ANHX: variants seen among roughly 807,000 people sequenced by gnomAD.
The protein encoded by ANHX is anomalous homeobox protein.
In ANHX, 20 loss-of-function variants were observed where a neutral mutation model predicts 38.9. The observed-to-expected ratio is 0.51, with a 90% CI of 0.36 to 0.75. The LOEUF is 0.75. Among genes scored for constraint, ANHX ranks in the 30% least tolerant of loss-of-function variants. The pLI is 0.00. For synonymous variants in ANHX, 185 were observed against 203.1 expected (o/e 0.91, Z 0.76); for missense variants, 475 against 493.1 (o/e 0.96, Z 0.35).
chr12:133,226,071 C>T (rs1957184777), intron 6 of ANHX, among the ~76,000 whole-genome samples: 1 of 152,198 alleles, frequency 6.6e-6, no homozygotes, highest in African/African-American at 2.4e-5. Flanking sequence ...ACCCCGTTCT[C>T]CAAGACAGAC....
chr12:133,227,164 C>G lies in ANHX; in HGVS notation c.502-12G>C, dbSNP rs920155975. ...AATGCCAAGTTCTCCTGCCCCCAAA[C>G]AACAAGACTTCTAGCCCTGCTTCCA... On this transcript the variant is annotated splice_polypyrimidine_tract_variant and intron_variant, in intron 4 of 9. Transcript: ENST00000545940. The G allele has an allele frequency of 6.5e-7, 1 of 1,530,512 alleles. No individual in the cohort carries two copies. The highest frequency in any genetic ancestry group is 8.7e-7 in the Non-Finnish European group (1 of 1,143,408). The allele number at this position is 1,530,512 out of a possible 1,614,324, so 94.8% of individuals were successfully genotyped here.
At chr12:133,230,718 C>T (rs956581945) in intron 3 of ANHX, among the ~76,000 whole-genome samples, 18 of 151,978 alleles carry the variant, frequency 1.2e-4, no homozygotes, top group Admixed American at 1.2e-3. Flanking sequence ...TTGTGACCGC[C>T]CCACTGCATG....
intron 7 of ANHX, among the ~76,000 whole-genome samples, chr12:133,224,731 C>T (rs571910159): frequency 1.0e-3 from 154 of 147,316 alleles, no homozygotes; most frequent in Non-Finnish European, 1.6e-3. Context: ...TTTGGGAGGC[C>T]GAGGCGGGCG....
rs1957336359 is a variant in ANHX, at chr12:133,234,558, G to C, written c.-22-180C>G. On this transcript the variant is annotated intron_variant, in intron 1 of 9. Transcript: ENST00000545940. Reference sequence around the variant, plus strand: ...GCAGCACCATAGCATACACCCTCTAGAATTTCCTTCTAATCCCCCAAATAC... The same window carrying C: ...GCAGCACCATAGCATACACCCTCTACAATTTCCTTCTAATCCCCCAAATAC... 15 of 675,784 alleles carry C rather than the reference G, an allele frequency of 2.2e-5. No individual in the cohort carries two copies. The South Asian group carries it at 2.9e-4, about 13-fold the overall frequency. The allele number at this position is 675,784 out of a possible 1,614,324, so 41.9% of individuals were successfully genotyped here. A position where few individuals can be genotyped will look rare whatever the true frequency, so the allele number is the denominator to read the frequency against.
intron 3 of ANHX, among the ~76,000 whole-genome samples, chr12:133,228,350 G>GAC (rs748358475): frequency 5.9e-5 from 9 of 151,756 alleles, no homozygotes; most frequent in South Asian, 2.1e-4. Context: ...GGCCCTCCTG[G>GAC]ACACACACAC....
Position 133,219,111 on chromosome 12 carries a change from C to T in ANHX, c.1366-140G>A, listed in dbSNP as rs1957073958. 6 of 1,007,914 alleles carry T rather than the reference C, an allele frequency of 6.0e-6. No individual in the cohort carries two copies. The East Asian group carries it at 1.6e-4, about 27-fold the overall frequency. The allele number at this position is 1,007,914 out of a possible 1,614,324, so 62.4% of individuals were successfully genotyped here. ...GGAGGGAATGTTGCCCCACAGCATCCCTCACCCCAGCTCCCAGTCCAGTAA... is the reference window on the plus strand; with the variant it reads ...GGAGGGAATGTTGCCCCACAGCATCTCTCACCCCAGCTCCCAGTCCAGTAA... On this transcript the variant is annotated intron_variant, in intron 9 of 9. Transcript: ENST00000545940.
intron 3 of ANHX, among the ~76,000 whole-genome samples, chr12:133,229,943 C>A (rs967078097): frequency 3.3e-5 from 5 of 152,134 alleles, no homozygotes; most frequent in African/African-American, 1.2e-4. Context: ...AATGTGCTGC[C>A]CCTTCCCAGA....
chr12:133,228,395 G>A (rs1226865008), intron 3 of ANHX, among the ~76,000 whole-genome samples: 1 of 152,124 alleles, frequency 6.6e-6, no homozygotes, highest in Admixed American at 6.5e-5. Flanking sequence ...TGCCACCCTG[G>A]GTGCTTTTCC....
In ANHX at chr12:133,219,292, G is replaced by A. The variant is rs1407683819; in HGVS notation, c.1356C>T (p.Pro452=). 8 of 1,535,208 alleles carry A rather than the reference G, an allele frequency of 5.2e-6. No individual in the cohort carries two copies. Among genetic ancestry groups the A allele is most frequent in the Non-Finnish European group, 7.0e-6 (8 of 1,146,790 alleles). The part of the protein sequence containing the change: ...VSAMELSQAL[P]SSQVQCSDSQ... The stretch of plus-strand genomic sequence containing the variant: ...CATAGGGAAGCCTCACCTGGCTGGA[G>A]GGCAGGGCCTGGCTCAGCTCCATGG... The change falls in exon 9 of 10, where the codon CCC becomes CCT. Residue 452 remains proline, a synonymous_variant. Transcript: ENST00000545940.
In ANHX at chr12:133,234,284, C is replaced by A. The variant is rs1957330653; in HGVS notation, c.73G>T (p.Ala25Ser). 2 of 1,536,038 alleles carry A rather than the reference C, an allele frequency of 1.3e-6. No homozygotes were observed. The highest frequency in any genetic ancestry group is 1.4e-5 in the African/African-American group (1 of 73,050). The change falls in exon 2 of 10, where the codon GCG becomes TCG. Residue 25 changes from alanine to serine, a missense_variant. Ala to Ser is a moderately conservative substitution (Grantham distance 99). Transcript: ENST00000545940. Reference sequence around the variant, plus strand: ...TGGAAGTCCCGGCACAGTCTGCCCGCAAGGGTCACCAGCTCCGCCGGGGGT... The same window carrying A: ...TGGAAGTCCCGGCACAGTCTGCCCGAAAGGGTCACCAGCTCCGCCGGGGGT... ...CAPPAELVTL[A>S]GRLCRDFQDD...
rs1447031024 is a variant in ANHX, at chr12:133,218,639, C to A, written c.*246G>T. The A allele has an allele frequency of 1.1e-5, 4 of 357,152 alleles. No homozygotes were observed. The highest frequency in any genetic ancestry group is 1.5e-5 in the Non-Finnish European group (3 of 198,106). 22.1% of individuals were successfully genotyped at this position (357,152 alleles called of 1,614,324 possible). A position where few individuals can be genotyped will look rare whatever the true frequency, so the allele number is the denominator to read the frequency against. On this transcript the variant is annotated 3_prime_UTR_variant, in exon 10 of 10. Coordinates refer to ENST00000545940, the MANE Select transcript of ANHX (RefSeq NM_001372060.1). ...CTGATCCAGTGCTGCGTGAGTGGGA[C>A]AGACCCACCTTTGACTTCTGATCTC...
At chr12:133,235,699 G>GCCCCTCACCCTCTGGGAC (rs1957367956) in intron 1 of ANHX, 108 bp downstream of exon 1, 1 of 61,374 alleles carries the variant, frequency 1.6e-5, no homozygotes, top group Non-Finnish European at 3.1e-5. Context: ...CCGCCTGCGC[G>GCCCCTCACCCTCTGGGAC]CCCCTCACCC....
chr12:133,234,393 A>C lies in ANHX; in HGVS notation c.-22-15T>G, dbSNP rs1030684931. The C allele has an allele frequency of 6.6e-6, 10 of 1,517,272 alleles. No individual in the cohort carries two copies. Among genetic ancestry groups the C allele is most frequent in the Admixed American group, 4.0e-5 (2 of 50,280 alleles). The allele number at this position is 1,517,272 out of a possible 1,614,324, so 94.0% of individuals were successfully genotyped here. A position where few individuals can be genotyped will look rare whatever the true frequency, so the allele number is the denominator to read the frequency against. ...TCGTGGCCACTCTGCCAACACAAAC[A>C]GTCACAAGAATGGCCACCACTGACC... On this transcript the variant is annotated splice_polypyrimidine_tract_variant and intron_variant, in intron 1 of 9. Transcript: ENST00000545940.
intron 3 of ANHX, among the ~76,000 whole-genome samples, chr12:133,228,716 C>T (rs1323443951): frequency 6.6e-6 from 1 of 152,202 alleles, no homozygotes; most frequent in Non-Finnish European, 1.5e-5. Flanking sequence ...CCTGCTCATC[C>T]CCCATCTCAC....
Position 133,218,849 on chromosome 12 carries a change from C to A in ANHX, c.*36G>T. ...TGACCAGGCAGACCATCCACACCCG[C>A]TCCTCCTGGGGTGCTGTCTGGCTCC... On this transcript the variant is annotated 3_prime_UTR_variant, in exon 10 of 10. Coordinates refer to ENST00000545940, the MANE Select transcript of ANHX (RefSeq NM_001372060.1). The A allele has an allele frequency of 6.9e-7, 1 of 1,446,190 alleles. No homozygotes were observed. The allele number at this position is 1,446,190 out of a possible 1,614,324, so 89.6% of individuals were successfully genotyped here. A position where few individuals can be genotyped will look rare whatever the true frequency, so the allele number is the denominator to read the frequency against.
At chr12:133,228,095 C>G in intron 3 of ANHX, 148 bp from the exon 4 acceptor site, 2 of 938,192 alleles carry the variant, frequency 2.1e-6, no homozygotes, top group East Asian at 2.6e-5. Context: ...TTAGTGAAAA[C>G]TAGAGTCTCT....
Position 133,221,342 on chromosome 12 carries a change from G to C in ANHX, c.1143C>G (p.Gly381=). The change falls in exon 8 of 10, where the codon GGC becomes GGG. Residue 381 remains glycine, a synonymous_variant. Coordinates refer to ENST00000545940, the MANE Select transcript of ANHX (RefSeq NM_001372060.1). This position sits in a 1 kb window ranked among gnomAD's most constrained non-coding sequence, Gnocchi z 4.1. ...CGCTCTGGGGATGGCCGCTGGGGGG[G>C]CCAGAAAACCCTGCATGTAATGAGA... ...LGDPSPTGFS[G]PPSGHPQSVQ... 1 of 1,535,032 alleles carries C rather than the reference G, an allele frequency of 6.5e-7. No individual in the cohort carries two copies. The highest frequency in any genetic ancestry group is 8.7e-7 in the Non-Finnish European group (1 of 1,146,466).
intron 2 of ANHX, 26 bp from the exon 3 acceptor site, chr12:133,231,670 TG>T: frequency 6.5e-7 from 1 of 1,535,506 alleles, no homozygotes; most frequent in Non-Finnish European, 8.7e-7. Context: ...TACTGAGCCC[TG>T]GCCACCTGCC....
At chr12:133,232,965 G>A (rs974327972) in intron 2 of ANHX, among the ~76,000 whole-genome samples, 4 of 149,354 alleles carry the variant, frequency 2.7e-5, no homozygotes, top group African/African-American at 1.0e-4. Context: ...CAGAAAAGGG[G>A]TAACGGGGGG....
Sources: allele counts gnomAD v4.1 joint callset (sites outside exome capture counted in the v4.1 genomes callset), GRCh38; gene constraint gnomAD v4.1.1; non-coding constraint Gnocchi (gnomAD v3.1); transcripts MANE v1.5; gene names NCBI Gene and HGNC (gene_info 2026-07-23, HGNC 2026-07-21).